Variants in UBN2 observed in about 807,000 individuals in gnomAD.
The protein encoded by UBN2 is ubinuclein 2.
A neutral mutation model predicts 120.2 loss-of-function variants in UBN2; 35 were observed. The ratio of observed to expected loss-of-function variants is 0.29; its 90% CI spans 0.22 to 0.39. UBN2 has a LOEUF of 0.39. UBN2 is among the 10% of genes least tolerant of loss of function. The pLI is 1.00. For missense variants in UBN2, 1,693 were observed against 1,663.2 expected (o/e 1.02, Z -0.31); for synonymous variants, 661 against 648.7 (o/e 1.02, Z -0.29).
At chr7:139,241,144 A>T (rs955410622) in intron 2 of UBN2, among the ~76,000 whole-genome samples, 1 of 152,224 alleles carries the variant, frequency 6.6e-6, no homozygotes, top group African/African-American at 2.4e-5. Flanking sequence ...GGATGCTTCA[A>T]TTTGATGGGT....
chr7:139,297,949 C>T lies in UBN2; in HGVS notation c.*113C>T, dbSNP rs182284839. Reference sequence around the variant, plus strand: ...GTTTCTGTCGATGTTTACATTCTCTCGTCCCAAGCACTGTGGTGAGGAGGA... The same window carrying T: ...GTTTCTGTCGATGTTTACATTCTCTTGTCCCAAGCACTGTGGTGAGGAGGA... On this transcript the variant is annotated 3_prime_UTR_variant, in exon 18 of 18. Transcript: ENST00000473989. The T allele has an allele frequency of 6.7e-6, 8 of 1,185,764 alleles. No homozygotes were observed. Among genetic ancestry groups the T allele is most frequent in the Admixed American group, 1.8e-5 (1 of 54,932 alleles). The allele number at this position is 1,185,764 out of a possible 1,614,324, so 73.5% of individuals were successfully genotyped here. A position where few individuals can be genotyped will look rare whatever the true frequency, so the allele number is the denominator to read the frequency against.
intron 3 of UBN2, among the ~76,000 whole-genome samples, chr7:139,255,784 C>A (rs556417222): frequency 2.0e-5 from 3 of 152,048 alleles, no homozygotes; most frequent in East Asian, 1.9e-4. Context: ...AAAATAAATA[C>A]CTGAAAATAA....
At chr7:139,266,247 A>T in intron 6 of UBN2, 86 bp from the exon 7 acceptor site, 2 of 860,816 alleles carry the variant, frequency 2.3e-6, no homozygotes, top group Non-Finnish European at 3.7e-6. Flanking sequence ...AAAAAAAAAG[A>T]AAAAAACCTT....
Position 139,261,732 on chromosome 7 carries a change from C to A in UBN2, c.1386C>A (p.Asp462Glu), listed in dbSNP as rs752115809. 39 of 1,610,268 alleles carry A rather than the reference C, an allele frequency of 2.4e-5. No homozygotes were observed. Among genetic ancestry groups the A allele is most frequent in the Non-Finnish European group, 3.2e-5 (38 of 1,177,000 alleles). Residue 462 changes from aspartate to glutamate, a missense_variant, in exon 6 of 18, where the codon GAC becomes GAA. Coordinates refer to ENST00000473989, the MANE Select transcript of UBN2 (RefSeq NM_173569.4). ...TACTTCTTGAAAAACGTATCGAAGA[C>A]CTTCGTGTAGTAAGTGTAATAATTC... Reference protein sequence around the residue: ...LPVLLEKRIEDLRVAAKLFDE... With the variant: ...LPVLLEKRIEELRVAAKLFDE...
intron 17 of UBN2, among the ~76,000 whole-genome samples, chr7:139,295,082 G>T (rs115812553): frequency 5.2e-4 from 78 of 150,682 alleles, no homozygotes; most frequent in African/African-American, 1.8e-3. Flanking sequence ...AGTTGACTAG[G>T]CCTCACTTTT....
At chr7:139,259,415 A>T (rs762061700) in intron 5 of UBN2, 45 bp downstream of exon 5, 27 of 1,604,690 alleles carry the variant, frequency 1.7e-5, no homozygotes, top group Admixed American at 3.5e-5. Context: ...TCACAGTCTG[A>T]CTGTCTCTCC....
At chr7:139,328,145 C>T in the UBN2 span, among the ~76,000 whole-genome samples, 3 of 152,296 alleles carry the variant, frequency 2.0e-5, no homozygotes, top group South Asian at 4.1e-4. Flanking sequence ...TAAAGAACTA[C>T]CTGAGACTGG....
rs1323276056 is a variant in UBN2, at chr7:139,276,103, T to G, written c.1980T>G (p.Leu660=). The change falls in exon 12 of 18, where the codon CTT becomes CTG. Residue 660 remains leucine (L), a synonymous_variant. Coordinates refer to ENST00000473989, the MANE Select transcript of UBN2 (RefSeq NM_173569.4). The stretch of plus-strand genomic sequence containing the variant: ...GTTCTTTAAATTTTTCCAGAATGCT[T>G]TTTAAGGAAAGCCGGAGTGTTCATA... The part of the protein sequence containing the change: ...WPKGWMQARM[L]FKESRSVHNH... The G allele has an allele frequency of 1.2e-6, 2 of 1,613,014 alleles. No homozygotes were observed. Among genetic ancestry groups the G allele is most frequent in the Non-Finnish European group, 1.7e-6 (2 of 1,179,720 alleles).
intron 13 of UBN2, 133 bp from the exon 14 acceptor site, chr7:139,281,872 A>G (rs1199385818): frequency 9.7e-6 from 7 of 719,718 alleles, no homozygotes; most frequent in Non-Finnish European, 1.7e-5. Flanking sequence ...TGTGACCTTA[A>G]TGCAGTTACA....
the UBN2 span, among the ~76,000 whole-genome samples, chr7:139,330,173 A>G: frequency 6.6e-6 from 1 of 152,156 alleles, no homozygotes; most frequent in South Asian, 2.1e-4. Flanking sequence ...AAAAAGAACT[A>G]TTTGCTTCAA....
chr7:139,297,528 A>G (rs1327519987), intron 17 of UBN2, among the ~76,000 whole-genome samples: 3 of 152,218 alleles, frequency 2.0e-5, no homozygotes, highest in Non-Finnish European at 4.4e-5. Context: ...TAAATGATAA[A>G]TACTTGTTGA....
rs576754476 is a variant in UBN2, at chr7:139,284,280, C to T, written c.3375C>T (p.Thr1125=). 8 of 1,614,190 alleles carry T rather than the reference C, an allele frequency of 5.0e-6. No homozygotes were observed. The Admixed American group carries it at 1.2e-4, about 24-fold the overall frequency. Residue 1125 remains threonine, a synonymous_variant, in exon 15 of 18, where the codon ACC becomes ACT. Coordinates refer to ENST00000473989, the MANE Select transcript of UBN2 (RefSeq NM_173569.4). ...TGAACATCAGCAGACAGTCTCCCAC[C>T]TTGAATTTATTGCCCTCTAGTCGCA... is the stretch of plus-strand genomic sequence containing the variant. ...SGMNISRQSP[T]LNLLPSSRTS...
rs748493480 is a variant in UBN2, at chr7:139,283,152, C to G, written c.2247C>G (p.Thr749=). ...ASSSSAPAQE[T]ICLDDSLDED... ...CTAGCTCTGCACCAGCCCAAGAAAC[C>G]ATCTGCCTCGACGACTCACTAGATG... is the stretch of plus-strand genomic sequence containing the variant. The change falls in exon 15 of 18, where the codon ACC becomes ACG. Residue 749 remains threonine (T), a synonymous_variant. Coordinates refer to ENST00000473989, the MANE Select transcript of UBN2 (RefSeq NM_173569.4). 10 of 1,612,228 alleles carry G rather than the reference C, an allele frequency of 6.2e-6. No homozygotes were observed. In the South Asian group the frequency reaches 1.1e-4, roughly 18 times the overall value.
chr7:139,280,034 A>G (rs1471214038), intron 13 of UBN2, among the ~76,000 whole-genome samples: 1 of 152,200 alleles, frequency 6.6e-6, no homozygotes, highest in Non-Finnish European at 1.5e-5. Flanking sequence ...GAAAACGCCA[A>G]GCTGAAAAAG....
At chr7:139,314,517 G>T in the UBN2 span, among the ~76,000 whole-genome samples, 1 of 152,016 alleles carries the variant, frequency 6.6e-6, no homozygotes, top group Non-Finnish European at 1.5e-5. Flanking sequence ...ACGGAGTCTT[G>T]CTGTGTCGCC....
intron 5 of UBN2, among the ~76,000 whole-genome samples, 177 bp from the exon 6 acceptor site, chr7:139,261,075 T>A (rs1247376832): frequency 2.0e-5 from 3 of 152,168 alleles, no homozygotes; most frequent in Non-Finnish European, 4.4e-5. Context: ...CTTTCGTGGG[T>A]GACATTCCAG....
Position 139,274,055 on chromosome 7 carries a change from A to G in UBN2, c.1954A>G (p.Lys652Glu). 6 of 1,602,870 alleles carry G rather than the reference A, an allele frequency of 3.7e-6. No individual in the cohort carries two copies. Among genetic ancestry groups the G allele is most frequent in the Non-Finnish European group, 5.1e-6 (6 of 1,177,214 alleles). The change falls in exon 11 of 18, where the codon AAG (lysine) becomes GAG (glutamate). Residue 652 changes from lysine (K) to glutamate (E), a missense_variant. By Grantham distance (56) the Lys-to-Glu change is moderately conservative. Transcript: ENST00000473989. ...METEVKPLWP[K>E]GWMQARMLFK... ...GACAGAAGTGAAGCCCCTGTGGCCT[A>G]AGGGCTGGATGCAGGCAAGGTAAGA...
rs1292181245 is a variant in UBN2 at position 139,303,191 on chromosome 7, G to C, written c.*5355G>C. On this transcript the variant is annotated 3_prime_UTR_variant, in exon 18 of 18. Transcript: ENST00000473989. ...AGCATTCTTGAGAGATTTTCCATTTGCTTTTTATTTGCTAGATAATTACAT... is the reference window on the plus strand; with the variant it reads ...AGCATTCTTGAGAGATTTTCCATTTCCTTTTTATTTGCTAGATAATTACAT... 1 of 152,110 alleles carries C rather than the reference G, an allele frequency of 6.6e-6. No homozygotes were observed. The highest frequency in any genetic ancestry group is 1.9e-4 in the East Asian group (1 of 5,196). The allele number at this position is 152,110 out of a possible 1,614,324, so 9.4% of individuals were successfully genotyped here. A position where few individuals can be genotyped will look rare whatever the true frequency, so the allele number is the denominator to read the frequency against.
At position 139,284,135 on chromosome 7, in the gene UBN2, C is replaced by G; in HGVS notation, c.3230C>G (p.Ser1077Cys). Residue 1077 changes from serine to cysteine, a missense_variant, in exon 15 of 18, where the codon TCT becomes TGT. Transcript: ENST00000473989. ...CCTTCAGTATCAACTAAACTTATTT[C>G]TAAATCCAACCCAACTCCCAAGCCT... ...AKPSVSTKLI[S>C]KSNPTPKPTV... 1.2e-5 allele frequency: 20 copies of G among 1,614,172 alleles called. 1 individual carries two copies. Among genetic ancestry groups the G allele is most frequent in the Non-Finnish European group, 1.5e-5 (18 of 1,180,028 alleles).
Sources: allele counts gnomAD v4.1 joint callset (sites outside exome capture counted in the v4.1 genomes callset), GRCh38; gene constraint gnomAD v4.1.1; transcripts MANE v1.5; gene names NCBI Gene and HGNC (gene_info 2026-07-23, HGNC 2026-07-21).